Variants in IL1RAPL2 observed in about 807,000 individuals in gnomAD.
The protein encoded by IL1RAPL2 is X-linked interleukin-1 receptor accessory protein-like 2.
In IL1RAPL2, 3 loss-of-function variants were observed where a neutral mutation model predicts 44.1. That is an observed-to-expected ratio of 0.07 (90% CI 0.03 to 0.18). IL1RAPL2 has a LOEUF of 0.18. Ranked by LOEUF, IL1RAPL2 falls within the 10% of genes least tolerant of loss-of-function variation. IL1RAPL2 has a pLI of 1.00. For synonymous variants in IL1RAPL2, 181 were observed against 178.8 expected (o/e 1.01, Z -0.10); for missense variants, 391 against 496.4 (o/e 0.79, Z 2.02).
At chrX:105,010,679 C>G (rs1327688768) in intron 2 of IL1RAPL2, among the ~76,000 whole-genome samples, 6 of 111,135 alleles carry the variant, frequency 5.4e-5, no homozygotes, top group Non-Finnish European at 1.1e-4. Context: ...GCCAAAGGCT[C>G]TAGGCCTGCT....
intron 2 of IL1RAPL2, among the ~76,000 whole-genome samples, chrX:104,894,893 C>T (rs149743864): frequency 7.8e-4 from 87 of 111,944 alleles, no homozygotes; most frequent in African/African-American, 2.2e-3. Flanking sequence ...TTTTCTGCTC[C>T]GTTTTTTCCC....
rs772267511 is a variant in IL1RAPL2, at chrX:105,114,901, T to A, written c.83-80574T>A. Among the ~76,000 whole-genome samples the A allele has an allele frequency of 3.6e-5, 4 of 111,583 alleles. No homozygotes were observed. The South Asian group carries it at 1.5e-3, about 42-fold the overall frequency. ...AGAGTTGTCTTATTAACAGCTAGGATTAGTGTGAGGATTAAATGAGATACC... is the reference window on the plus strand; with the variant it reads ...AGAGTTGTCTTATTAACAGCTAGGAATAGTGTGAGGATTAAATGAGATACC... On this transcript the variant is annotated intron_variant, in intron 2 of 10. Transcript: ENST00000372582.
chrX:105,245,480 C>T (rs1651460173), intron 4 of IL1RAPL2, among the ~76,000 whole-genome samples: 1 of 112,049 alleles, frequency 8.9e-6, no homozygotes, highest in East Asian at 2.8e-4. Flanking sequence ...ACTGTATATT[C>T]TCTATCTGAA....
intron 6 of IL1RAPL2, among the ~76,000 whole-genome samples, chrX:105,683,969 T>C (rs1159524928): frequency 8.9e-6 from 1 of 112,472 alleles, no homozygotes; most frequent in Admixed American, 9.4e-5. Context: ...TGATTAGTAA[T>C]CAATATTTTG....
Position 105,346,136 on chromosome X carries a change from C to T in IL1RAPL2, c.697+78595C>T, listed in dbSNP as rs749697576. ...ATTGTCTTAAGTGGATACCACTGAG[C>T]GTAAAGCCTACAAGGTGTTTGAATG... On this transcript the variant is annotated intron_variant, in intron 5 of 10. Transcript: ENST00000372582. Among the ~76,000 whole-genome samples the T allele has an allele frequency of 2.7e-5, 3 of 111,634 alleles. No homozygotes were observed. In the Admixed American group the frequency reaches 2.9e-4, roughly 11 times the overall value.
intron 8 of IL1RAPL2, among the ~76,000 whole-genome samples, chrX:105,747,476 CTCTCTGTGTGTGTG>C (rs2038554288): frequency 1.4e-5 from 1 of 73,160 alleles, no homozygotes; most frequent in African/African-American, 6.7e-5. Context: ...CTCTCTCTCT[CTCTCTGTGTGTGTG>C]TATGTGTGTG....
intron 5 of IL1RAPL2, among the ~76,000 whole-genome samples, chrX:105,316,900 C>A (rs1224336929): frequency 9.1e-6 from 1 of 110,419 alleles, no homozygotes; most frequent in African/African-American, 3.3e-5. Context: ...GGTTGAAGGT[C>A]TCCAGTAATT....
chrX:105,050,307 C>A (rs1474101003), intron 2 of IL1RAPL2, among the ~76,000 whole-genome samples: 1 of 112,014 alleles, frequency 8.9e-6, no homozygotes, highest in East Asian at 2.8e-4. Context: ...TTTGTCATTT[C>A]TATTGCTATT....
intron 2 of IL1RAPL2, among the ~76,000 whole-genome samples, chrX:105,016,266 C>A (rs1482873902): frequency 9.0e-6 from 1 of 111,562 alleles, no homozygotes; most frequent in Non-Finnish European, 1.9e-5. Context: ...GAAACAGAGA[C>A]AATTTGACTT....
intron 5 of IL1RAPL2, among the ~76,000 whole-genome samples, chrX:105,454,044 A>C (rs1222026430): frequency 9.0e-6 from 1 of 111,447 alleles, no homozygotes; most frequent in Non-Finnish European, 1.9e-5. Flanking sequence ...TGAAGCACAG[A>C]AACTTGGGAT....
intron 4 of IL1RAPL2, among the ~76,000 whole-genome samples, chrX:105,248,559 A>T (rs1475386214): frequency 8.9e-6 from 1 of 111,791 alleles, no homozygotes; most frequent in Non-Finnish European, 1.9e-5. Flanking sequence ...AAAGGGGCTT[A>T]TATGAAAATA....
At chrX:104,825,936 T>G (rs1305533170) in intron 2 of IL1RAPL2, among the ~76,000 whole-genome samples, 1 of 111,552 alleles carries the variant, frequency 9.0e-6, no homozygotes, top group Admixed American at 9.6e-5. Flanking sequence ...TTATGCATGC[T>G]TGAGGGTTGA....
chrX:104,783,911 A>G (rs1932786475), intron 2 of IL1RAPL2, among the ~76,000 whole-genome samples: 1 of 110,812 alleles, frequency 9.0e-6, no homozygotes, highest in African/African-American at 3.3e-5. Flanking sequence ...CCGTTCCAAC[A>G]AGATCTGGCC....
intron 6 of IL1RAPL2, among the ~76,000 whole-genome samples, chrX:105,637,536 CA>C (rs1347763094): frequency 9.1e-6 from 1 of 109,785 alleles, no homozygotes; most frequent in Non-Finnish European, 1.9e-5. Flanking sequence ...CCAGGCATAA[CA>C]CTGAGCCTCT....
In IL1RAPL2 at chrX:104,822,459, C is replaced by T. The variant is rs771124014; in HGVS notation, c.82+163464C>T. 1.2e-3 allele frequency among the ~76,000 whole-genome samples: 137 copies of T among 111,956 alleles called. 1 individual carries two copies. The highest frequency in any genetic ancestry group is 9.0e-4 in the Non-Finnish European group (48 of 53,230). On this transcript the variant is annotated intron_variant, in intron 2 of 10. Coordinates refer to ENST00000372582, the MANE Select transcript of IL1RAPL2 (RefSeq NM_017416.2). ...AAGGAAGGGATCCACTTTCAGTTTT[C>T]TGCATATGGCTAGCCAGTTTTCCCA...
intron 7 of IL1RAPL2, among the ~76,000 whole-genome samples, chrX:105,724,572 C>G (rs763216892): frequency 9.0e-6 from 1 of 111,573 alleles, no homozygotes; most frequent in Admixed American, 9.6e-5. Flanking sequence ...GGTAACCATT[C>G]ACAACTGCTA....
chrX:105,746,410 A>T (rs940850539), intron 8 of IL1RAPL2, among the ~76,000 whole-genome samples: 3 of 112,037 alleles, frequency 2.7e-5, no homozygotes, highest in African/African-American at 9.7e-5. Flanking sequence ...TCCTGCTGAG[A>T]TTGAAAATTG....
rs776135717 is a variant in IL1RAPL2 at position 105,080,110 on chromosome X, C to T, written c.83-115365C>T. On this transcript the variant is annotated intron_variant, in intron 2 of 10. Coordinates refer to ENST00000372582, the MANE Select transcript of IL1RAPL2 (RefSeq NM_017416.2). ...CTGGATATTAGCCCTTTGTAGATTC[C>T]GGATATTAGCCCTTTGTCAGATGGA... is the stretch of plus-strand genomic sequence containing the variant. Among the ~76,000 whole-genome samples the T allele has an allele frequency of 8.1e-5, 9 of 111,604 alleles. No homozygotes were observed. In the South Asian group the frequency reaches 1.9e-3, roughly 24 times the overall value.
intron 2 of IL1RAPL2, among the ~76,000 whole-genome samples, chrX:104,786,983 C>A (rs1193049017): frequency 1.3e-5 from 1 of 75,005 alleles, no homozygotes; most frequent in South Asian, 8.3e-4. Context: ...CTCTCTCTCT[C>A]GTATCCCTAT....
Sources: gnomAD v4.1 joint callset for allele counts (sites outside exome capture counted in the v4.1 genomes callset) on GRCh38, gnomAD v4.1.1 for gene constraint, MANE v1.5 for transcripts, NCBI Gene and HGNC (gene_info 2026-07-23, HGNC 2026-07-21) for gene names.